The following PDXK variants were observed in gnomAD, a reference collection of about 807,000 sequenced individuals.
PDXK encodes the protein epididymis secretory sperm binding protein Li 1a.
A neutral mutation model predicts 43.2 loss-of-function variants in PDXK; 15 were observed. The ratio of observed to expected loss-of-function variants is 0.35; its 90% CI spans 0.23 to 0.53. The LOEUF (loss-of-function observed/expected upper bound fraction) is 0.53. Among genes scored for constraint, PDXK ranks in the 20% least tolerant of loss-of-function variants. The pLI is 0.92. For synonymous variants in PDXK, 172 were observed against 165.4 expected (o/e 1.04, Z -0.31); for missense variants, 343 against 417.0 (o/e 0.82, Z 1.54).
chr21:43,741,819 G>T, intron 3 of PDXK, 48 bp downstream of exon 3: 2 of 1,289,762 alleles, frequency 1.6e-6, no homozygotes, highest in Non-Finnish European at 2.2e-6. Context: ...CCCCACTCCA[G>T]CCAGGGTGGG....
chr21:43,719,792 G>A (rs2083191672), intron 1 of PDXK: 2 of 985,356 alleles, frequency 2.0e-6, no homozygotes, highest in African/African-American at 1.7e-5. Context: ...CCGGGACCTT[G>A]CCCCGCTGGA....
intron 1 of PDXK, among the ~76,000 whole-genome samples, chr21:43,730,102 CTGATTGATTGAT>C (rs140082408): frequency 2.6e-5 from 4 of 151,646 alleles, no homozygotes. Flanking sequence ...TTGCTCATAT[CTGATTGATTGAT>C]TGATTGATTG....
rs73224934 is a variant in PDXK, at chr21:43,735,613, A to T, written c.142+1490A>T. Among the ~76,000 whole-genome samples, 704 of 152,278 alleles carry T rather than the reference A, an allele frequency of 4.6e-3. 4 individuals are homozygous for T. Among genetic ancestry groups the T allele is most frequent in the Admixed American group, 8.1e-3 (124 of 15,304 alleles). ...GGGGGTGTCCCTTCCCATGGGGTCCAGCCTGTGGTTCCTGGGAGCCCCCAC... is the reference window on the plus strand; with the variant it reads ...GGGGGTGTCCCTTCCCATGGGGTCCTGCCTGTGGTTCCTGGGAGCCCCCAC... On this transcript the variant is annotated intron_variant, in intron 2 of 10. Transcript: ENST00000291565. This position sits in a 1 kb window ranked among gnomAD's most constrained non-coding sequence, Gnocchi z 5.3.
Position 43,737,197 on chromosome 21 carries a change from G to A in PDXK, c.142+3074G>A, listed in dbSNP as rs539420993. The A allele has an allele frequency of 5.5e-6, 8 of 1,443,276 alleles. No homozygotes were observed. In the East Asian group the frequency reaches 1.3e-4, roughly 23 times the overall value. The allele number at this position is 1,443,276 out of a possible 1,614,324, so 89.4% of individuals were successfully genotyped here. A position where few individuals can be genotyped will look rare whatever the true frequency, so the allele number is the denominator to read the frequency against. ...GCAGGGACACGGGTGTTCCACACAA[G>A]CTGCGTTGTTGGTTCCCTGACGCCC... On this transcript the variant is annotated intron_variant, in intron 2 of 10. Transcript: ENST00000291565. This position sits in a 1 kb window ranked among gnomAD's most constrained non-coding sequence, Gnocchi z 4.8.
In PDXK at chr21:43,760,181, GT is replaced by G. The variant is rs546193405; in HGVS notation, c.*4131del. 105 of 147,950 alleles carry G rather than the reference GT, an allele frequency of 7.1e-4. No homozygotes were observed. Among genetic ancestry groups the G allele is most frequent in the East Asian group, 3.6e-3 (18 of 5,056 alleles). The allele number at this position is 147,950 out of a possible 1,614,324, so 9.2% of individuals were successfully genotyped here. On this transcript the variant is annotated 3_prime_UTR_variant, in exon 11 of 11. Coordinates refer to ENST00000291565, the MANE Select transcript of PDXK (RefSeq NM_003681.5). ...AATCTTGGATTTTTTGTTTTTTTTT[GT>G]TTTTTTTTTTTTGAGGTGAAGTCTC... is the stretch of plus-strand genomic sequence containing the variant.
chr21:43,727,489 A>G (rs1462254679), intron 1 of PDXK, among the ~76,000 whole-genome samples: 1 of 151,508 alleles, frequency 6.6e-6, no homozygotes, highest in Non-Finnish European at 1.5e-5. Flanking sequence ...GTCCTTGGCC[A>G]CTCCTCCGGC....
chr21:43,741,108 T>C, intron 2 of PDXK: 2 of 112,932 alleles, frequency 1.8e-5, no homozygotes, highest in Non-Finnish European at 3.6e-5. Context: ...AGTGGGAGTG[T>C]GGGGGCCACG....
intron 2 of PDXK, chr21:43,738,111 C>A: frequency 1.1e-6 from 1 of 915,304 alleles, no homozygotes; most frequent in Non-Finnish European, 1.3e-6. Flanking sequence ...CAGCCTTAAC[C>A]CCAGCACCTC....
intron 2 of PDXK, chr21:43,738,055 T>C: frequency 1.0e-6 from 1 of 985,272 alleles, no homozygotes; most frequent in Non-Finnish European, 1.2e-6. Flanking sequence ...CTCCCCTTCC[T>C]CATGGCTGTT....
rs1311759633 is a variant in PDXK at position 43,723,240 on chromosome 21, C to A, written c.87+3859C>A. Among the ~76,000 whole-genome samples, 1 of 150,906 alleles carries A rather than the reference C, an allele frequency of 6.6e-6. No individual in the cohort carries two copies. The highest frequency in any genetic ancestry group is 1.5e-5 in the Non-Finnish European group (1 of 67,678). On this transcript the variant is annotated intron_variant, in intron 1 of 10. Transcript: ENST00000291565. The surrounding 1 kb of genome is among the most constrained non-coding windows in gnomAD (Gnocchi z 4.1). ...AGCGATCTAGGCTCACTGCAACCTC[C>A]CCCTTCCAGGTACAAGCAATTCTCC...
In PDXK at chr21:43,732,271, G is replaced by A; in HGVS notation, c.88-1798G>A. On this transcript the variant is annotated intron_variant, in intron 1 of 10. Transcript: ENST00000291565. This position sits in a 1 kb window ranked among gnomAD's most constrained non-coding sequence, Gnocchi z 4.1. The stretch of plus-strand genomic sequence containing the variant: ...CAGCTGAAGGACATGTGTAACAGCA[G>A]GAGATACCTTTCTCTGGGGTCCCAG... 2.0e-6 allele frequency: 3 copies of A among 1,532,540 alleles called. No individual in the cohort carries two copies. The highest frequency in any genetic ancestry group is 2.5e-5 in the South Asian group (2 of 78,714). The allele number at this position is 1,532,540 out of a possible 1,614,324, so 94.9% of individuals were successfully genotyped here.
chr21:43,755,983 A>G lies in PDXK; in HGVS notation c.859A>G (p.Met287Val). The G allele has an allele frequency of 6.2e-7, 1 of 1,612,882 alleles. No individual in the cohort carries two copies. Among genetic ancestry groups the G allele is most frequent in the Admixed American group, 1.7e-5 (1 of 59,954 alleles). Residue 287 changes from methionine (M) to valine (V), a missense_variant, in exon 11 of 11, where the codon ATG becomes GTG. Met to Val is a conservative substitution (Grantham distance 21). Coordinates refer to ENST00000291565, the MANE Select transcript of PDXK (RefSeq NM_003681.5). ...CGGGGAAGGAGTGAGGCCCAGCCCC[A>G]TGCAGCTGGAGCTGCGGATGGTGCA... Reference protein sequence around the residue: ...QAGEGVRPSPMQLELRMVQSK... With the variant: ...QAGEGVRPSPVQLELRMVQSK...
At position 43,733,930 on chromosome 21, in the gene PDXK, C is replaced by T. The variant is rs1183663588; in HGVS notation, c.88-139C>T. ...GGGAGAGCCTCCTGCTCTGATGCGTCAGCCCTCCAGCCTGCAGCTGGGGGC... is the reference window on the plus strand; with the variant it reads ...GGGAGAGCCTCCTGCTCTGATGCGTTAGCCCTCCAGCCTGCAGCTGGGGGC... On this transcript the variant is annotated intron_variant, in intron 1 of 10. Transcript: ENST00000291565. 3.9e-6 allele frequency: 3 copies of T among 767,956 alleles called. No homozygotes were observed. The East Asian group carries it at 7.7e-5, about 20-fold the overall frequency. The allele number at this position is 767,956 out of a possible 1,614,324, so 47.6% of individuals were successfully genotyped here. A position where few individuals can be genotyped will look rare whatever the true frequency, so the allele number is the denominator to read the frequency against.
chr21:43,745,926 G>A (rs2083631039), intron 4 of PDXK, 153 bp from the exon 5 acceptor site: 1 of 676,768 alleles, frequency 1.5e-6, no homozygotes, highest in Non-Finnish European at 2.7e-6. Flanking sequence ...GAGCCTGGAA[G>A]ATCGAGGTTG....
chr21:43,747,502 G>C (rs1437326441), intron 5 of PDXK, among the ~76,000 whole-genome samples: 1 of 152,240 alleles, frequency 6.6e-6, no homozygotes, highest in Admixed American at 6.5e-5. Context: ...CTGTCACTGG[G>C]CATCTAACTG....
intron 1 of PDXK, 194 bp downstream of exon 1, chr21:43,719,575 C>A (rs2083189201): frequency 1.0e-6 from 1 of 980,146 alleles, no homozygotes; most frequent in African/African-American, 1.7e-5. Flanking sequence ...GAGGGCTGAG[C>A]GCTCTGCGGG....
intron 1 of PDXK, chr21:43,719,797 G>T: frequency 1.0e-6 from 1 of 985,478 alleles, no homozygotes; most frequent in Non-Finnish European, 1.2e-6. Flanking sequence ...ACCTTGCCCC[G>T]CTGGAACGCA....
chr21:43,748,924 T>C, intron 5 of PDXK, 71 bp from the exon 6 acceptor site: 2 of 916,964 alleles, frequency 2.2e-6, no homozygotes, highest in South Asian at 1.4e-5. Flanking sequence ...GTGGTGGGCT[T>C]CCCTCCGCGC....
rs955791917 is a variant in PDXK at position 43,719,308 on chromosome 21, G to A, written c.14G>A (p.Cys5Tyr). Residue 5 changes from cysteine (C) to tyrosine (Y), a missense_variant, in exon 1 of 11, where the codon TGC becomes TAC. Cys to Tyr is a radical substitution (Grantham distance 194). Coordinates refer to ENST00000291565, the MANE Select transcript of PDXK (RefSeq NM_003681.5). MEEE[C>Y]RVLSIQSHVI... The stretch of plus-strand genomic sequence containing the variant: ...GCCAGGCCCGGCATGGAGGAGGAGT[G>A]CCGGGTGCTCTCCATACAGAGCCAC... The A allele has an allele frequency of 1.3e-6, 2 of 1,493,854 alleles. No homozygotes were observed. The highest frequency in any genetic ancestry group is 1.8e-6 in the Non-Finnish European group (2 of 1,122,270). 92.5% of individuals were successfully genotyped at this position (1,493,854 alleles called of 1,614,324 possible).
Sources: allele counts gnomAD v4.1 joint callset (sites outside exome capture counted in the v4.1 genomes callset), GRCh38; gene constraint gnomAD v4.1.1; non-coding constraint Gnocchi (gnomAD v3.1); transcripts MANE v1.5; gene names NCBI Gene and HGNC (gene_info 2026-07-23, HGNC 2026-07-21).